The following FRMPD4 variants were observed in gnomAD, a reference collection of about 807,000 sequenced individuals.
The protein encoded by FRMPD4 is FERM and PDZ domain containing 4.
Under a neutral mutation model 94.1 loss-of-function variants are expected in FRMPD4, and 22 were observed. The ratio of observed to expected loss-of-function variants is 0.23; its 90% CI spans 0.17 to 0.33. The LOEUF (loss-of-function observed/expected upper bound fraction) is 0.33, where lower values mean the gene tolerates loss of function less well. Among genes scored for constraint, FRMPD4 ranks in the 10% least tolerant of loss-of-function variants. FRMPD4 has a pLI of 1.00. For synonymous variants in FRMPD4, 631 were observed against 548.6 expected (o/e 1.15, Z -2.10); for missense variants, 1,111 against 1,339.9 (o/e 0.83, Z 2.67).
rs190369877 is a variant in FRMPD4 at position 12,282,283 on chromosome X, G to A, written c.41+143271G>A. On this transcript the variant is annotated intron_variant, in intron 1 of 16. Transcript: ENST00000675598. ...AAACTGCAGGCCTGGGCCCAGGTGG[G>A]TGGGTCAGGGCAGGGAGCCAGCCCC... Among the ~76,000 whole-genome samples the A allele has an allele frequency of 1.2e-3, 140 of 112,280 alleles. 1 individual carries two copies. Among genetic ancestry groups the A allele is most frequent in the Middle Eastern group, 4.6e-3 (1 of 216 alleles).
chrX:11,970,518 G>T (rs2054334504), intron 3 of FRMPD4, among the ~76,000 whole-genome samples: 1 of 112,193 alleles, frequency 8.9e-6, no homozygotes, highest in African/African-American at 3.2e-5. Flanking sequence ...GACTGACTAT[G>T]TTGGAAACAC....
At chrX:12,365,156 C>T (rs746050464) in intron 1 of FRMPD4, among the ~76,000 whole-genome samples, 19 of 112,449 alleles carry the variant, frequency 1.7e-4, no homozygotes, top group Non-Finnish European at 3.0e-4. Flanking sequence ...CATGAACCTA[C>T]TTTGCAGTAT....
At chrX:12,340,746 T>C (rs781405011) in intron 1 of FRMPD4, among the ~76,000 whole-genome samples, 1 of 112,234 alleles carries the variant, frequency 8.9e-6, no homozygotes, top group African/African-American at 3.2e-5. Context: ...GACATCAACA[T>C]TGATTTTCAA....
chrX:11,834,277 G>C (rs1169657181), intron 1 of FRMPD4, among the ~76,000 whole-genome samples: 1 of 111,544 alleles, frequency 9.0e-6, no homozygotes, highest in Non-Finnish European at 1.9e-5. Context: ...AGTTCATTTC[G>C]GGGGGCTGAT....
At chrX:11,903,125 A>G (rs1040670878) in intron 3 of FRMPD4, among the ~76,000 whole-genome samples, 2 of 112,118 alleles carry the variant, frequency 1.8e-5, no homozygotes, top group Non-Finnish European at 3.8e-5. Context: ...ACAGTCTTTG[A>G]GTGTGATTAC....
At chrX:12,467,245 A>G (rs1231400553) in intron 1 of FRMPD4, among the ~76,000 whole-genome samples, 1 of 110,692 alleles carries the variant, frequency 9.0e-6, no homozygotes, top group Non-Finnish European at 1.9e-5. Context: ...GAGCCACAAG[A>G]CAGCTTTACC....
At chrX:12,312,239 CTTTTTTTTTTTTTTTT>C (rs200625685) in intron 1 of FRMPD4, among the ~76,000 whole-genome samples, 28 of 61,498 alleles carry the variant, frequency 4.6e-4, no homozygotes, top group Admixed American at 2.3e-3. Context: ...TGCTCCATTA[CTTTTTTTTTTTTTTTT>C]TTTTTTTTTT....
chrX:11,864,828 A>AT (rs373625027), intron 1 of FRMPD4, among the ~76,000 whole-genome samples: 11 of 110,681 alleles, frequency 9.9e-5, no homozygotes, highest in South Asian at 3.8e-4. Context: ...AGTAAAATGG[A>AT]TTTTTTTTTC....
intron 1 of FRMPD4, among the ~76,000 whole-genome samples, chrX:12,139,559 G>T (rs1479387553): frequency 3.7e-5 from 4 of 107,469 alleles, no homozygotes; most frequent in African/African-American, 1.0e-4. Flanking sequence ...TTTGGGGGGG[G>T]GGTAACTATA....
Position 12,257,274 on chromosome X carries a change from A to G in FRMPD4, c.41+118262A>G, listed in dbSNP as rs183419910. On this transcript the variant is annotated intron_variant, in intron 1 of 16. Transcript: ENST00000675598. ...GGACACTCTCTTGATTGAAAACATT[A>G]TCTTAGGTTCATCACACCTATGGTT... 7.2e-5 allele frequency among the ~76,000 whole-genome samples: 8 copies of G among 111,739 alleles called. No individual in the cohort carries two copies. In the East Asian group the frequency reaches 2.0e-3, roughly 27 times the overall value.
At chrX:12,433,168 C>T (rs73192437) in intron 1 of FRMPD4, among the ~76,000 whole-genome samples, 6,007 of 111,800 alleles carry the variant, frequency 0.054, 147 homozygotes, top group East Asian at 0.19. Context: ...TATCTTGGAG[C>T]CTGTTTTTGT....
chrX:11,971,273 A>G (rs184857200), intron 3 of FRMPD4, among the ~76,000 whole-genome samples: 1 of 112,671 alleles, frequency 8.9e-6, no homozygotes, highest in Admixed American at 9.3e-5. Flanking sequence ...TTTTGGGTAT[A>G]GCATTCTGCC....
intron 2 of FRMPD4, among the ~76,000 whole-genome samples, chrX:12,571,004 C>T (rs1361480295): frequency 1.8e-5 from 2 of 112,377 alleles, no homozygotes; most frequent in Non-Finnish European, 3.8e-5. Context: ...CGAAACAGTG[C>T]ATAAAAGGGG....
intron 1 of FRMPD4, among the ~76,000 whole-genome samples, chrX:12,305,526 T>C (rs773403065): frequency 4.9e-4 from 51 of 104,352 alleles, no homozygotes; most frequent in Admixed American, 8.7e-4. Context: ...AGCAAAGCAC[T>C]TAAATGATTT....
intron 3 of FRMPD4, among the ~76,000 whole-genome samples, chrX:12,049,124 A>G (rs1185174285): frequency 9.0e-6 from 1 of 111,479 alleles, no homozygotes; most frequent in Non-Finnish European, 1.9e-5. Flanking sequence ...ATTAGTGTGG[A>G]ATGTTTTTCC....
intron 9 of FRMPD4, among the ~76,000 whole-genome samples, chrX:12,697,214 T>C (rs770047379): frequency 1.8e-4 from 20 of 112,156 alleles, no homozygotes; most frequent in Middle Eastern, 4.2e-3. Context: ...TTTGATCACC[T>C]GGACCCCTCA....
chrX:12,027,163 C>T (rs1260892404), intron 3 of FRMPD4, among the ~76,000 whole-genome samples: 1 of 112,142 alleles, frequency 8.9e-6, no homozygotes, highest in Non-Finnish European at 1.9e-5. Context: ...TGACTTATAT[C>T]TGTTCAACCT....
At chrX:12,057,637 TC>T (rs2054861859) in intron 3 of FRMPD4, among the ~76,000 whole-genome samples, 1 of 111,334 alleles carries the variant, frequency 9.0e-6, no homozygotes, top group Non-Finnish European at 1.9e-5. Context: ...TTTCCATGGG[TC>T]AGGAAGTTGA....
At chrX:12,684,620 C>T (rs1292798654) in intron 6 of FRMPD4, among the ~76,000 whole-genome samples, 2 of 111,808 alleles carry the variant, frequency 1.8e-5, no homozygotes, top group African/African-American at 3.3e-5. Context: ...TCTGGATGCA[C>T]GGTCACTGTA....
Sources: gnomAD v4.1 joint callset for allele counts (sites outside exome capture counted in the v4.1 genomes callset) on GRCh38, gnomAD v4.1.1 for gene constraint, MANE v1.5 for transcripts, NCBI Gene and HGNC (gene_info 2026-07-23, HGNC 2026-07-21) for gene names.